The following CTBP2 variants were observed in gnomAD, a reference collection of about 807,000 sequenced individuals.
The protein encoded by CTBP2 is C-terminal binding protein 2.
A neutral mutation model predicts 80.3 loss-of-function variants in CTBP2; 30 were observed. The observed-to-expected ratio is 0.37, with a 90% CI of 0.28 to 0.51. CTBP2 has a LOEUF of 0.51. CTBP2 is among the 20% of genes least tolerant of loss of function. The pLI, the probability that CTBP2 is intolerant of heterozygous loss-of-function variation, is 0.93. For missense variants in CTBP2, 1,212 were observed against 1,375.3 expected (o/e 0.88, Z 1.88); for synonymous variants, 594 against 587.4 (o/e 1.01, Z -0.16).
intron 1 of CTBP2, among the ~76,000 whole-genome samples, chr10:125,111,378 T>C (rs939065936): frequency 9.2e-5 from 14 of 152,334 alleles, no homozygotes; most frequent in Middle Eastern, 3.4e-3. Flanking sequence ...GAAAATGTCA[T>C]TTAGCTTTCT....
chr10:125,066,070 T>C lies in CTBP2; in HGVS notation c.-101-26915A>G, dbSNP rs962044884. Among the ~76,000 whole-genome samples, 1 of 140,542 alleles carries C rather than the reference T, an allele frequency of 7.1e-6. No homozygotes were observed. The highest frequency in any genetic ancestry group is 1.5e-5 in the Non-Finnish European group (1 of 65,642). The allele number at this position is 140,542 out of a possible 152,430, so 92.2% of individuals were successfully genotyped here. On this transcript the variant is annotated intron_variant, in intron 2 of 10. Transcript: ENST00000337195. This position sits in a 1 kb window ranked among gnomAD's most constrained non-coding sequence, Gnocchi z 4.1. ...GAGCCCTGATTGTGCCATGGCACTCTAGCCAAAAAAAAAAAGCCGTCATCT... is the reference window on the plus strand; with the variant it reads ...GAGCCCTGATTGTGCCATGGCACTCCAGCCAAAAAAAAAAAGCCGTCATCT...
intron 2 of CTBP2, among the ~76,000 whole-genome samples, chr10:125,086,389 G>A (rs558495822): frequency 1.4e-4 from 22 of 152,148 alleles, no homozygotes; most frequent in African/African-American, 4.8e-4. Flanking sequence ...AAAATTTGTC[G>A]AGCGTGGTAA....
intron 1 of CTBP2, among the ~76,000 whole-genome samples, chr10:125,021,959 G>A (rs1277838543): frequency 6.6e-6 from 1 of 152,252 alleles, no homozygotes; most frequent in Non-Finnish European, 1.5e-5. Context: ...TAGGGGCAGA[G>A]TCCTGGCTAT....
chr10:124,990,785 AGG>A (rs201827285), intron 8 of CTBP2, among the ~76,000 whole-genome samples: 4,780 of 152,306 alleles, frequency 0.031, 240 homozygotes, highest in African/African-American at 0.11. Context: ...CCTTTACACA[AGG>A]GAGTCTAGTC....
At chr10:125,117,338 C>T (rs1853510159) in intron 1 of CTBP2, among the ~76,000 whole-genome samples, 1 of 152,072 alleles carries the variant, frequency 6.6e-6, no homozygotes, top group Non-Finnish European at 1.5e-5. Flanking sequence ...TGGGAGATGC[C>T]ACCTCTCCTC....
At chr10:125,062,393 T>C (rs894006765) in intron 2 of CTBP2, among the ~76,000 whole-genome samples, 1 of 152,170 alleles carries the variant, frequency 6.6e-6, no homozygotes, top group African/African-American at 2.4e-5. Context: ...GAAATGAGGG[T>C]GATGAGGACA....
In CTBP2 at chr10:124,986,943, T is replaced by C. The variant is rs762206253; in HGVS notation, c.*2575A>G. On this transcript the variant is annotated 3_prime_UTR_variant, in exon 9 of 9. Transcript: ENST00000309035. ...CTACTGTGTGTTGTGGTCTGGTGAG[T>C]GTTGTTTCCCCTGAGCGCTCTATTA... 39 of 152,290 alleles carry C rather than the reference T, an allele frequency of 2.6e-4. No individual in the cohort carries two copies. Among genetic ancestry groups the C allele is most frequent in the Non-Finnish European group, 5.3e-4 (36 of 67,998 alleles). 9.4% of individuals were successfully genotyped at this position (152,290 alleles called of 1,614,324 possible).
intron 2 of CTBP2, among the ~76,000 whole-genome samples, chr10:125,073,550 A>G (rs1398493244): frequency 6.6e-6 from 1 of 152,180 alleles, no homozygotes; most frequent in Non-Finnish European, 1.5e-5. Context: ...TGGTTTCTGC[A>G]CCTCTTTCAA....
At chr10:125,159,429 G>A (rs1565076427) in intron 1 of CTBP2, among the ~76,000 whole-genome samples, 1 of 143,256 alleles carries the variant, frequency 7.0e-6, no homozygotes, top group Non-Finnish European at 1.5e-5. Context: ...GCCCGCGCCC[G>A]CCGCCCGGCC....
intron 2 of CTBP2, among the ~76,000 whole-genome samples, chr10:125,075,979 T>A (rs914756981): frequency 1.3e-5 from 2 of 152,166 alleles, no homozygotes; most frequent in Non-Finnish European, 2.9e-5. Context: ...AATGACATGA[T>A]CATGGCAGCA....
chr10:125,126,278 C>T (rs897925185), intron 1 of CTBP2, among the ~76,000 whole-genome samples: 16 of 152,348 alleles, frequency 1.1e-4, no homozygotes, highest in Non-Finnish European at 2.2e-4. Flanking sequence ...CGCTGTGATT[C>T]TCGGTAACTT....
At chr10:124,995,716 G>A (rs1016352540) in intron 4 of CTBP2, among the ~76,000 whole-genome samples, 1 of 152,184 alleles carries the variant, frequency 6.6e-6, no homozygotes, top group African/African-American at 2.4e-5. Flanking sequence ...AGTATAGCAA[G>A]GCACGAACCA....
intron 1 of CTBP2, among the ~76,000 whole-genome samples, chr10:125,010,645 G>A (rs1590050016): frequency 6.6e-6 from 1 of 152,332 alleles, no homozygotes; most frequent in East Asian, 1.9e-4. Context: ...ACACCAAGCT[G>A]TTGAAGACCT....
At chr10:125,067,142 T>C (rs1844772533) in intron 2 of CTBP2, among the ~76,000 whole-genome samples, 3 of 152,216 alleles carry the variant, frequency 2.0e-5, no homozygotes, top group African/African-American at 4.8e-5. Context: ...AAAAAAAGTC[T>C]TCTGTGAAAC....
chr10:125,154,126 C>A (rs1860500108), intron 1 of CTBP2, among the ~76,000 whole-genome samples: 2 of 152,240 alleles, frequency 1.3e-5, no homozygotes, highest in African/African-American at 4.8e-5. Context: ...AAGCACATTT[C>A]TGCTGATCAG....
Position 124,985,793 on chromosome 10 carries a change from C to CAA in CTBP2, c.*3723_*3724dup, listed in dbSNP as rs989046902. ...GTTTTTTTCCTGGATGAAAAGGGAG[C>CAA]AAGCCCACTTGTCACTAAATGAATT... On this transcript the variant is annotated 3_prime_UTR_variant, in exon 9 of 9. Transcript: ENST00000309035. 1.1e-4 allele frequency: 16 copies of CAA among 152,302 alleles called. No individual in the cohort carries two copies. Among genetic ancestry groups the CAA allele is most frequent in the African/African-American group, 3.9e-4 (16 of 41,556 alleles). The allele number at this position is 152,302 out of a possible 1,614,324, so 9.4% of individuals were successfully genotyped here.
intron 1 of CTBP2, among the ~76,000 whole-genome samples, chr10:125,017,075 G>T (rs1956570140): frequency 2.6e-5 from 4 of 152,186 alleles, no homozygotes; most frequent in African/African-American, 9.7e-5. Context: ...TAATGAGGCA[G>T]GGCCAGAAGA....
chr10:125,126,934 C>CAT, intron 1 of CTBP2, among the ~76,000 whole-genome samples: 2 of 152,044 alleles, frequency 1.3e-5, no homozygotes, highest in African/African-American at 2.4e-5. Context: ...TTCTCTCTCT[C>CAT]TCTCTCTCTC....
In CTBP2 at chr10:125,026,159, G is replaced by A; in HGVS notation, c.1601C>T (p.Pro534Leu). The A allele has an allele frequency of 1.2e-6, 2 of 1,610,526 alleles. No individual in the cohort carries two copies. Among genetic ancestry groups the A allele is most frequent in the Non-Finnish European group, 1.7e-6 (2 of 1,177,518 alleles). The change falls in exon 1 of 9, where the codon CCT becomes CTT. Residue 534 changes from proline (P) to leucine (L), a missense_variant. By Grantham distance (98) the Pro-to-Leu change is moderately conservative. Around this residue, in one of 3 missense-constraint regions of CTBP2, gnomAD observed 848 missense variants for 782.3 expected, o/e 1.08. Transcript: ENST00000309035. ...GGCCACCTTCTGGTACGGTGAGTGA[G>A]GCGTGTGGAGGCTCTGGCTGGCCGG...
Sources: gnomAD v4.1 joint callset for allele counts (sites outside exome capture counted in the v4.1 genomes callset) on GRCh38, gnomAD v4.1.1 for gene constraint, gnomAD v4.1.1 regional missense constraint, Gnocchi (gnomAD v3.1) non-coding constraint, MANE v1.5 for transcripts, NCBI Gene and HGNC (gene_info 2026-07-23, HGNC 2026-07-21) for gene names.